Variants in KLF8 observed in about 807,000 individuals in gnomAD.
KLF8 encodes KLF transcription factor 8.
A neutral mutation model predicts 18.2 loss-of-function variants in KLF8; 10 were observed. The observed-to-expected ratio is 0.55, with a 90% CI of 0.34 to 0.93. The LOEUF is 0.93. KLF8 is among the 40% of genes least tolerant of loss of function. The pLI is 0.02. For missense variants in KLF8, 264 were observed against 277.9 expected (o/e 0.95, Z 0.36); for synonymous variants, 109 against 97.3 (o/e 1.12, Z -0.71).
chrX:56,234,382 T>C (rs1249737472), intron 1 of KLF8, among the ~76,000 whole-genome samples: 1 of 111,984 alleles, frequency 8.9e-6, no homozygotes, highest in African/African-American at 3.2e-5. Context: ...TCTCAGTAGA[T>C]ACTCGGGTGG....
chrX:56,081,193 C>T, the KLF8 span, among the ~76,000 whole-genome samples: 13 of 111,824 alleles, frequency 1.2e-4, no homozygotes, highest in Non-Finnish European at 1.7e-4. Context: ...TTGTGAGGAA[C>T]TGCGTTCCTT....
chrX:56,048,780 A>G, the KLF8 span, among the ~76,000 whole-genome samples: 2 of 111,954 alleles, frequency 1.8e-5, no homozygotes, highest in Middle Eastern at 4.6e-3. Flanking sequence ...TGAACTTTAA[A>G]GTAGCTATTT....
the KLF8 span, among the ~76,000 whole-genome samples, chrX:56,134,811 AG>A: frequency 9.0e-6 from 1 of 110,860 alleles, no homozygotes; most frequent in Non-Finnish European, 1.9e-5. Context: ...GCAGGAAAAA[AG>A]AAAGAAAGAA....
chrX:55,990,293 AG>A, the KLF8 span, among the ~76,000 whole-genome samples: 12 of 111,531 alleles, frequency 1.1e-4, no homozygotes, highest in African/African-American at 3.6e-4. Context: ...TTGTGATGTT[AG>A]GGTGTCAATT....
At chrX:56,005,082 G>A in the KLF8 span, among the ~76,000 whole-genome samples, 21 of 108,464 alleles carry the variant, frequency 1.9e-4, no homozygotes, top group Admixed American at 1.3e-3. Context: ...TTGGTCTGTC[G>A]CCCAGGCTGG....
the KLF8 span, among the ~76,000 whole-genome samples, chrX:56,146,141 G>T: frequency 8.9e-6 from 1 of 111,899 alleles, no homozygotes; most frequent in Non-Finnish European, 1.9e-5. Context: ...AATCATTTTG[G>T]AAGACAGTGT....
chrX:56,195,793 G>A, the KLF8 span, among the ~76,000 whole-genome samples: 1 of 111,119 alleles, frequency 9.0e-6, no homozygotes, highest in Admixed American at 9.6e-5. Context: ...GATTCACAAG[G>A]GTCAAAATGG....
At chrX:56,176,364 C>T in the KLF8 span, among the ~76,000 whole-genome samples, 1 of 111,545 alleles carries the variant, frequency 9.0e-6, no homozygotes, top group Non-Finnish European at 1.9e-5. Flanking sequence ...ACTTCTGAAG[C>T]TTAGTTTGGC....
the KLF8 span, among the ~76,000 whole-genome samples, chrX:56,125,708 C>T: frequency 1.8e-5 from 2 of 112,187 alleles, no homozygotes; most frequent in Non-Finnish European, 3.8e-5. Context: ...TATACTGTAA[C>T]AGGGATAGCT....
chrX:55,997,882 C>A, the KLF8 span, among the ~76,000 whole-genome samples: 22 of 110,022 alleles, frequency 2.0e-4, no homozygotes, highest in African/African-American at 6.7e-4. Flanking sequence ...ATAAGGGGAC[C>A]TGGGGAACCA....
the KLF8 span, among the ~76,000 whole-genome samples, chrX:56,176,798 A>C: frequency 9.0e-6 from 1 of 111,166 alleles, no homozygotes; most frequent in Non-Finnish European, 1.9e-5. Context: ...GGCTTTGTTC[A>C]TTTCTTTTTA....
chrX:56,275,155 G>A (rs144382752), intron 5 of KLF8, among the ~76,000 whole-genome samples: 1,928 of 110,734 alleles, frequency 0.017, 37 homozygotes, highest in African/African-American at 0.061. Flanking sequence ...CTTTCCTTTC[G>A]TTTCTGTCTT....
At chrX:55,970,723 T>A in the KLF8 span, among the ~76,000 whole-genome samples, 6 of 111,481 alleles carry the variant, frequency 5.4e-5, no homozygotes, top group Middle Eastern at 4.7e-3. Flanking sequence ...TTGTAAGAGA[T>A]CAAATCAACA....
chrX:56,075,211 G>T, the KLF8 span, among the ~76,000 whole-genome samples: 3 of 110,162 alleles, frequency 2.7e-5, no homozygotes, highest in African/African-American at 6.6e-5. Flanking sequence ...TATTGTAAAA[G>T]GAATTATTTT....
At chrX:56,182,510 C>T in the KLF8 span, among the ~76,000 whole-genome samples, 11 of 112,489 alleles carry the variant, frequency 9.8e-5, no homozygotes, top group South Asian at 3.7e-4. Flanking sequence ...CTGTTGCTGG[C>T]GAGGAGCTGT....
the KLF8 span, among the ~76,000 whole-genome samples, chrX:56,058,267 T>TACGTATATATAC: frequency 4.3e-3 from 117 of 27,103 alleles, 3 homozygotes; most frequent in African/African-American, 0.017. Context: ...CACATATATA[T>TACGTATATATAC]ACATATATAT....
At chrX:55,968,661 T>C in the KLF8 span, among the ~76,000 whole-genome samples, 46 of 111,729 alleles carry the variant, frequency 4.1e-4, no homozygotes, top group Admixed American at 2.1e-3. Context: ...TCTGATGGTT[T>C]TATAAAAGGG....
the KLF8 span, among the ~76,000 whole-genome samples, chrX:55,969,249 G>T: frequency 8.9e-6 from 1 of 111,774 alleles, no homozygotes; most frequent in Non-Finnish European, 1.9e-5. Flanking sequence ...ATAATATCAA[G>T]AATCTTCTGT....
At chrX:56,246,404 G>A (rs5960668) in intron 1 of KLF8, among the ~76,000 whole-genome samples, 20,880 of 111,466 alleles carry the variant, frequency 0.19, 3,945 homozygotes, top group African/African-American at 0.59. Flanking sequence ...TGAAGGAAAC[G>A]GACAGTTCCT....
Sources: gnomAD v4.1 joint callset for allele counts (sites outside exome capture counted in the v4.1 genomes callset) on GRCh38, gnomAD v4.1.1 for gene constraint, MANE v1.5 for transcripts, NCBI Gene and HGNC (gene_info 2026-07-23, HGNC 2026-07-21) for gene names.